Variants in KIF26B observed in about 807,000 individuals in gnomAD.
KIF26B encodes the protein kinesin-like protein KIF26B.
In KIF26B, 63 loss-of-function variants were observed where a neutral mutation model predicts 151.2. That is an observed-to-expected ratio of 0.42 (90% CI 0.34 to 0.51). KIF26B has a LOEUF of 0.51. Among genes scored for constraint, KIF26B ranks in the 20% least tolerant of loss-of-function variants. KIF26B has a pLI of 0.07. For synonymous variants in KIF26B, 1,357 were observed against 1,262.1 expected, an observed-to-expected ratio of 1.08 and a Z score of -1.59; for missense variants, 2,813 against 2,913.6, an observed-to-expected ratio of 0.97 and a Z score of 0.79.
intron 2 of KIF26B, among the ~76,000 whole-genome samples, chr1:245,294,371 C>A (rs1159719493): frequency 2.0e-5 from 3 of 152,168 alleles, no homozygotes; most frequent in Non-Finnish European, 4.4e-5. Context: ...GGTTCCTCTG[C>A]GCAGTCCCAT....
chr1:245,525,482 A>T (rs1661218930), intron 4 of KIF26B, among the ~76,000 whole-genome samples: 1 of 152,250 alleles, frequency 6.6e-6, no homozygotes, highest in Non-Finnish European at 1.5e-5. Context: ...GCATACATAC[A>T]GATAAGATGT....
intron 2 of KIF26B, among the ~76,000 whole-genome samples, chr1:245,362,135 A>G (rs1672834767): frequency 6.6e-6 from 1 of 151,482 alleles, no homozygotes; most frequent in African/African-American, 2.4e-5. Context: ...CTGGGTGAGA[A>G]TGACCCTCTG....
intron 4 of KIF26B, among the ~76,000 whole-genome samples, chr1:245,477,919 T>G (rs1660075785): frequency 6.6e-6 from 1 of 151,756 alleles, no homozygotes; most frequent in African/African-American, 2.4e-5. Context: ...TTTAGTCTAG[T>G]CATCATACTG....
At chr1:245,314,403 G>A (rs998177783) in intron 2 of KIF26B, among the ~76,000 whole-genome samples, 1 of 152,184 alleles carries the variant, frequency 6.6e-6, no homozygotes, top group Non-Finnish European at 1.5e-5. Flanking sequence ...AGTGAGTCGA[G>A]ATCGTGCCAC....
chr1:245,394,202 C>T (rs1185181945), intron 3 of KIF26B, among the ~76,000 whole-genome samples: 1 of 152,204 alleles, frequency 6.6e-6, no homozygotes, highest in African/African-American at 2.4e-5. Flanking sequence ...CTCCCATTTT[C>T]TCTGTCGTCG....
chr1:245,203,005 A>C (rs1669332385), intron 2 of KIF26B, among the ~76,000 whole-genome samples: 1 of 151,724 alleles, frequency 6.6e-6, no homozygotes, highest in South Asian at 2.1e-4. Context: ...CTGTAATCCC[A>C]GCACTTTGGG....
intron 4 of KIF26B, among the ~76,000 whole-genome samples, chr1:245,496,880 C>T (rs1352066802): frequency 2.0e-5 from 3 of 151,928 alleles, no homozygotes; most frequent in African/African-American, 7.3e-5. Flanking sequence ...AAATGCCAAC[C>T]AATATAAGCT....
rs187837524 is a variant in KIF26B at position 245,317,089 on chromosome 1, C to T, written c.466-49745C>T. Among the ~76,000 whole-genome samples, 15 of 152,274 alleles carry T rather than the reference C, an allele frequency of 9.9e-5. No homozygotes were observed. The East Asian group carries it at 2.3e-3, about 23-fold the overall frequency. On this transcript the variant is annotated intron_variant, in intron 2 of 14. Coordinates refer to ENST00000407071, the MANE Select transcript of KIF26B (RefSeq NM_018012.4). ...AATTTTCCTGCTGTGTTGTTTTGTG[C>T]TTTACTGTTCAACAAGAGGAAAATA...
intron 2 of KIF26B, among the ~76,000 whole-genome samples, chr1:245,211,541 G>A (rs1669530925): frequency 6.6e-6 from 1 of 151,826 alleles, no homozygotes; most frequent in African/African-American, 2.4e-5. Context: ...GGGATTACAG[G>A]CATGCACCAC....
chr1:245,227,448 T>C lies in KIF26B; in HGVS notation c.465+70765T>C, dbSNP rs1303442657. ...GCGGCCTCCGTCCTCTTCGCCATCATTGGCCTCTCTTGTTTCTTCCCACCC... is the reference window on the plus strand; with the variant it reads ...GCGGCCTCCGTCCTCTTCGCCATCACTGGCCTCTCTTGTTTCTTCCCACCC... On this transcript the variant is annotated intron_variant, in intron 2 of 14. Transcript: ENST00000407071. The surrounding 1 kb of genome is among the most constrained non-coding windows in gnomAD (Gnocchi z 4.1). 1.3e-5 allele frequency among the ~76,000 whole-genome samples: 2 copies of C among 152,204 alleles called. No homozygotes were observed. The highest frequency in any genetic ancestry group is 1.9e-4 in the East Asian group (1 of 5,198).
intron 8 of KIF26B, among the ~76,000 whole-genome samples, chr1:245,609,801 A>G (rs2103152515): frequency 6.7e-6 from 1 of 150,306 alleles, no homozygotes; most frequent in South Asian, 2.1e-4. Flanking sequence ...GCCCCTTTCA[A>G]AAAAAAAAAG....
At chr1:245,496,593 T>C (rs2103076529) in intron 4 of KIF26B, among the ~76,000 whole-genome samples, 1 of 151,844 alleles carries the variant, frequency 6.6e-6, no homozygotes, top group Admixed American at 6.6e-5. Flanking sequence ...TGAAAAATAC[T>C]TGATTAATCT....
Position 245,366,980 on chromosome 1 carries a change from G to A in KIF26B, c.612G>A (p.Thr204=), listed in dbSNP as rs61734839. ...AGGAGGCCATCCAGATGGTGCTGAC[G>A]TTGGAGCAGGCAGCCGGCAGTGAGC... ...LKQEAIQMVL[T]LEQAAGSEHY... is the part of the protein sequence containing the mutation. The change falls in exon 3 of 15, where the codon ACG becomes ACA. Residue 204 remains threonine, a synonymous_variant. Transcript: ENST00000407071. The A allele has an allele frequency of 0.028, 45,423 of 1,613,866 alleles. 1,655 individuals are homozygous for A. Among genetic ancestry groups the A allele is most frequent in the African/African-American group, 0.17 (12,459 of 75,010 alleles).
chr1:245,482,155 G>A (rs112306041), intron 4 of KIF26B, among the ~76,000 whole-genome samples: 13,472 of 151,774 alleles, frequency 0.089, 786 homozygotes, highest in South Asian at 0.13. Context: ...GCAGTGGCAC[G>A]ATCTCGGCTC....
intron 14 of KIF26B, among the ~76,000 whole-genome samples, chr1:245,701,204 T>TATATATTGTTTC (rs2044767331): frequency 6.6e-6 from 1 of 152,152 alleles, no homozygotes; most frequent in African/African-American, 2.4e-5. Context: ...AAAGGGGAAA[T>TATATATTGTTTC]ATATATTGTT....
chr1:245,457,788 CTTAT>C (rs1156969264), intron 4 of KIF26B, among the ~76,000 whole-genome samples: 3 of 152,164 alleles, frequency 2.0e-5, no homozygotes, highest in Non-Finnish European at 4.4e-5. Context: ...GATTTCACAA[CTTAT>C]TTATTCACTC....
intron 2 of KIF26B, among the ~76,000 whole-genome samples, chr1:245,274,678 C>T (rs923886366): frequency 3.3e-5 from 5 of 152,152 alleles, no homozygotes; most frequent in South Asian, 2.1e-4. Flanking sequence ...TGAACAGTGC[C>T]GCAATAAACA....
At chr1:245,180,852 T>A (rs1354798475) in intron 2 of KIF26B, among the ~76,000 whole-genome samples, 2 of 152,138 alleles carry the variant, frequency 1.3e-5, no homozygotes, top group Non-Finnish European at 2.9e-5. Context: ...TTTTCTTTTT[T>A]AGAGGTGGGG....
At chr1:245,638,470 T>C (rs980766227) in intron 9 of KIF26B, among the ~76,000 whole-genome samples, 1 of 151,976 alleles carries the variant, frequency 6.6e-6, no homozygotes, top group Non-Finnish European at 1.5e-5. Context: ...ATGCCCTTTA[T>C]TTCTTTCTCT....
Sources: gnomAD v4.1 joint callset for allele counts (sites outside exome capture counted in the v4.1 genomes callset) on GRCh38, gnomAD v4.1.1 for gene constraint, Gnocchi (gnomAD v3.1) non-coding constraint, MANE v1.5 for transcripts, NCBI Gene and HGNC (gene_info 2026-07-23, HGNC 2026-07-21) for gene names.